Variants in IL1RAPL1 observed in about 807,000 individuals in gnomAD.
IL1RAPL1 encodes interleukin 1 receptor accessory protein like 1.
A neutral mutation model predicts 48.4 loss-of-function variants in IL1RAPL1; 3 were observed. The observed-to-expected ratio is 0.06, with a 90% CI of 0.03 to 0.16. The LOEUF (loss-of-function observed/expected upper bound fraction) is 0.16. IL1RAPL1 is among the 10% of genes least tolerant of loss of function. The pLI is 1.00. For synonymous variants in IL1RAPL1, 185 were observed against 187.7 expected (o/e 0.99, Z 0.12); for missense variants, 349 against 530.6 (o/e 0.66, Z 3.36).
intron 6 of IL1RAPL1, among the ~76,000 whole-genome samples, chrX:29,671,409 T>G (rs1364526758): frequency 8.9e-6 from 1 of 112,190 alleles, no homozygotes; most frequent in Non-Finnish European, 1.9e-5. Flanking sequence ...AAAAATCATA[T>G]AATGGAAACT....
intron 8 of IL1RAPL1, among the ~76,000 whole-genome samples, chrX:29,928,662 A>G (rs1400075210): frequency 8.9e-6 from 1 of 112,151 alleles, no homozygotes; most frequent in Non-Finnish European, 1.9e-5. Flanking sequence ...GATATCTACC[A>G]CCATCCTGGA....
intron 2 of IL1RAPL1, among the ~76,000 whole-genome samples, chrX:28,897,418 C>T (rs1046797358): frequency 9.0e-6 from 1 of 111,559 alleles, no homozygotes; most frequent in Non-Finnish European, 1.9e-5. Context: ...GGATAAAACG[C>T]GTCTCCTGTC....
Position 29,872,967 on chromosome X carries a change from TCTTA to T in IL1RAPL1, c.779-44494_779-44491del, listed in dbSNP as rs752047074. On this transcript the variant is annotated intron_variant, in intron 6 of 10. Transcript: ENST00000378993. ...GACTTGTTTCTGCTTCCTCTCTTTTTCTTACTAATTAAAACAGATAACAACAAAG... is the reference window on the plus strand; with the variant it reads ...GACTTGTTTCTGCTTCCTCTCTTTTTCTAATTAAAACAGATAACAACAAAG... Among the ~76,000 whole-genome samples the T allele has an allele frequency of 4.3e-3, 486 of 112,379 alleles. 6 individuals carry two copies. The highest frequency in any genetic ancestry group is 4.6e-3 in the Middle Eastern group (1 of 219).
At chrX:29,008,664 C>T (rs1240803092) in intron 2 of IL1RAPL1, among the ~76,000 whole-genome samples, 1 of 111,154 alleles carries the variant, frequency 9.0e-6, no homozygotes, top group East Asian at 2.9e-4. Context: ...TATTTATTCA[C>T]TTTATTTTTT....
intron 5 of IL1RAPL1, among the ~76,000 whole-genome samples, chrX:29,637,051 C>CT (rs1306705569): frequency 2.4e-5 from 2 of 84,979 alleles, no homozygotes; most frequent in African/African-American, 9.7e-5. Flanking sequence ...GAAACTCCGT[C>CT]TCAAAAAAAA....
chrX:29,718,285 A>G (rs1927537539), intron 6 of IL1RAPL1, among the ~76,000 whole-genome samples: 1 of 110,860 alleles, frequency 9.0e-6, no homozygotes, highest in African/African-American at 3.3e-5. Context: ...ATAAAAAAGG[A>G]TGGGTTCATG....
At chrX:29,482,132 C>T (rs1935047725) in intron 5 of IL1RAPL1, among the ~76,000 whole-genome samples, 1 of 111,965 alleles carries the variant, frequency 8.9e-6, no homozygotes, top group Admixed American at 9.5e-5. Flanking sequence ...ATCCATGTTC[C>T]TTCTACTCAT....
chrX:28,760,513 A>C (rs1392264560), intron 1 of IL1RAPL1, among the ~76,000 whole-genome samples: 2 of 112,113 alleles, frequency 1.8e-5, no homozygotes, highest in East Asian at 5.6e-4. Flanking sequence ...CCAAGGTGGC[A>C]CTAACACTTT....
chrX:29,867,119 C>T (rs144346370), intron 6 of IL1RAPL1, among the ~76,000 whole-genome samples: 1,146 of 109,901 alleles, frequency 0.01, 14 homozygotes, highest in African/African-American at 0.035. Flanking sequence ...CTATTGACCA[C>T]ATTCATAATA....
At chrX:29,113,317 A>G (rs1216049173) in intron 2 of IL1RAPL1, among the ~76,000 whole-genome samples, 1 of 111,763 alleles carries the variant, frequency 8.9e-6, no homozygotes, top group African/African-American at 3.3e-5. Context: ...TGTCTCAATT[A>G]TATCAAGTTT....
At chrX:29,311,870 A>G (rs1018165713) in intron 3 of IL1RAPL1, among the ~76,000 whole-genome samples, 1 of 111,831 alleles carries the variant, frequency 8.9e-6, no homozygotes, top group African/African-American at 3.3e-5. Flanking sequence ...CCATTTACAC[A>G]TGATTCCTTA....
intron 2 of IL1RAPL1, among the ~76,000 whole-genome samples, chrX:29,141,369 C>T (rs1305406561): frequency 5.4e-5 from 6 of 111,339 alleles, no homozygotes; most frequent in Admixed American, 4.8e-4. Flanking sequence ...AACATGAGTC[C>T]TAAGGGTAGA....
chrX:29,168,332 C>A (rs1929827848), intron 2 of IL1RAPL1, among the ~76,000 whole-genome samples: 1 of 106,509 alleles, frequency 9.4e-6, no homozygotes, highest in Admixed American at 1.0e-4. Context: ...ATAACCTTTC[C>A]CAAGAACCCC....
At chrX:28,836,336 TTATATATATATATA>T (rs34343530) in intron 2 of IL1RAPL1, among the ~76,000 whole-genome samples, 1 of 85,331 alleles carries the variant, frequency 1.2e-5, no homozygotes, top group Admixed American at 1.3e-4. Context: ...CTTCCCAATT[TTATATATATATATA>T]TATATATATA....
At chrX:29,568,088 T>G (rs779677857) in intron 5 of IL1RAPL1, among the ~76,000 whole-genome samples, 2 of 108,540 alleles carry the variant, frequency 1.8e-5, no homozygotes, top group Admixed American at 2.0e-4. Context: ...CTAGTAGCAA[T>G]TATCTTGTGC....
At chrX:29,060,227 T>C (rs1434414743) in intron 2 of IL1RAPL1, among the ~76,000 whole-genome samples, 6 of 111,911 alleles carry the variant, frequency 5.4e-5, no homozygotes, top group Admixed American at 4.8e-4. Context: ...TAAAGCCATA[T>C]TGAAGTAGGA....
chrX:29,653,928 ATTTATTTATTTATTTT>A (rs1925594950), intron 5 of IL1RAPL1, among the ~76,000 whole-genome samples: 1 of 107,384 alleles, frequency 9.3e-6, no homozygotes, highest in African/African-American at 3.4e-5. Context: ...TTATTTATTT[ATTTATTTATTTATTTT>A]TTGGCTGTAT....
chrX:29,613,136 T>C (rs1245063697), intron 5 of IL1RAPL1, among the ~76,000 whole-genome samples: 1 of 112,531 alleles, frequency 8.9e-6, no homozygotes, highest in African/African-American at 3.2e-5. Context: ...CCCAAAGATG[T>C]GATTTTAAAT....
rs757733190 is a variant in IL1RAPL1, at chrX:28,756,518, C to T, written c.-24-32802C>T. Among the ~76,000 whole-genome samples, 80 of 111,768 alleles carry T rather than the reference C, an allele frequency of 7.2e-4. 1 individual carries two copies. The East Asian group carries it at 0.022, about 31-fold the overall frequency. ...TCTCTCAGCAGGTGGTCAGCACGCT[C>T]ACCATTTTGTCACCTCTCTTGTTAA... On this transcript the variant is annotated intron_variant, in intron 1 of 10. Transcript: ENST00000378993.
Sources: gnomAD v4.1 joint callset for allele counts (sites outside exome capture counted in the v4.1 genomes callset) on GRCh38, gnomAD v4.1.1 for gene constraint, MANE v1.5 for transcripts, NCBI Gene and HGNC (gene_info 2026-07-23, HGNC 2026-07-21) for gene names.